Variants in COL11A1 observed in about 807,000 individuals in gnomAD.
COL11A1 encodes collagen type XI alpha 1 chain, also known as collagen alpha-1(XI) chain.
COL11A1 carries 74 observed loss-of-function variants against 265.2 expected under a neutral mutation model. The ratio of observed to expected loss-of-function variants is 0.28; its 90% CI spans 0.23 to 0.34. The LOEUF (loss-of-function observed/expected upper bound fraction) is 0.34, where lower values mean the gene tolerates loss of function less well. Ranked by LOEUF, COL11A1 falls within the 10% of genes least tolerant of loss-of-function variation. The pLI is 1.00. For missense variants in COL11A1, 2,165 were observed against 2,263.6 expected (o/e 0.96, Z 0.88); for synonymous variants, 816 against 727.6 (o/e 1.12, Z -1.96).
chr1:102,888,651 G>A (rs1159159854), intron 61 of COL11A1, 21 bp from the exon 62 acceptor site: 2 of 1,613,750 alleles, frequency 1.2e-6, no homozygotes, highest in Admixed American at 1.7e-5. Flanking sequence ...GAAGAGAGAG[G>A]ACATAAATAA....
At chr1:102,996,697 G>C (rs1570979891) in intron 26 of COL11A1, among the ~76,000 whole-genome samples, 1 of 151,752 alleles carries the variant, frequency 6.6e-6, no homozygotes, top group South Asian at 2.1e-4. Context: ...TATTTTAATA[G>C]CCATTGGTCT....
intron 15 of COL11A1, among the ~76,000 whole-genome samples, chr1:103,006,723 G>C (rs1038241456): frequency 7.3e-5 from 11 of 151,652 alleles, no homozygotes; most frequent in Admixed American, 7.2e-4. Context: ...ATTTTTAGTA[G>C]AGATGGGGTT....
rs538004482 is a variant in COL11A1, at chr1:102,931,593, T to C, written c.3600+2856A>G. Among the ~76,000 whole-genome samples the C allele has an allele frequency of 2.0e-4, 30 of 152,270 alleles. 1 individual carries two copies. The Middle Eastern group carries it at 0.014, about 69-fold the overall frequency. ...TGTTGATTTGGGGTAGAGAGTTCTG[T>C]AGATGTCTATTAGGTCCACTTGGTG... On this transcript the variant is annotated intron_variant, in intron 46 of 66. Coordinates refer to ENST00000370096, the MANE Select transcript of COL11A1 (RefSeq NM_001854.4).
intron 1 of COL11A1, chr1:103,100,736 A>C (rs1043360576): frequency 2.0e-5 from 3 of 151,994 alleles, no homozygotes; most frequent in Non-Finnish European, 4.4e-5. Flanking sequence ...CAGCAAAGTC[A>C]ACATGGACAA....
intron 30 of COL11A1, 134 bp from the exon 31 acceptor site, chr1:102,984,325 A>G: frequency 1.7e-6 from 1 of 595,050 alleles, no homozygotes; most frequent in Non-Finnish European, 2.9e-6. Flanking sequence ...TTTTGTCATT[A>G]TTTACCTTCA....
chr1:102,996,377 CTAA>C (rs1005828738), intron 26 of COL11A1, among the ~76,000 whole-genome samples: 2 of 151,874 alleles, frequency 1.3e-5, no homozygotes, highest in South Asian at 2.1e-4. Flanking sequence ...ATATGCTATA[CTAA>C]TGTCTATAAA....
chr1:103,002,221 T>C (rs1280398619), intron 23 of COL11A1, among the ~76,000 whole-genome samples: 3 of 152,176 alleles, frequency 2.0e-5, no homozygotes, highest in South Asian at 2.1e-4. Context: ...TCCCTAAACA[T>C]TGAATGAGTC....
In COL11A1 at chr1:102,940,441, T is replaced by G; in HGVS notation, c.3277-7A>C. On this transcript the variant is annotated splice_polypyrimidine_tract_variant and splice_region_variant and intron_variant, in intron 42 of 66. Coordinates refer to ENST00000370096, the MANE Select transcript of COL11A1 (RefSeq NM_001854.4). ...CTTGGGGACCTTTTTCTCCCTGTATTGAATATCCAAAGATCATTAATTTTA... is the reference window on the plus strand; with the variant it reads ...CTTGGGGACCTTTTTCTCCCTGTATGGAATATCCAAAGATCATTAATTTTA... 6.3e-7 allele frequency: 1 copy of G among 1,599,302 alleles called. No homozygotes were observed. The highest frequency in any genetic ancestry group is 1.1e-5 in the South Asian group (1 of 90,718).
At chr1:103,073,187 C>G in intron 4 of COL11A1, among the ~76,000 whole-genome samples, 1 of 151,644 alleles carries the variant, frequency 6.6e-6, no homozygotes, top group East Asian at 1.9e-4. Flanking sequence ...GAAGTTACTC[C>G]AGGATTCAGA....
chr1:102,902,804 T>TAA lies in COL11A1; in HGVS notation c.4087-3812_4087-3811dup, dbSNP rs1435446475. 2.0e-5 allele frequency among the ~76,000 whole-genome samples: 3 copies of TAA among 151,142 alleles called. 1 individual carries two copies. Among genetic ancestry groups the TAA allele is most frequent in the Non-Finnish European group, 4.4e-5 (3 of 67,790 alleles). ...TTGAAATTTGAATTAATACTATATA[T>TAA]AATAATACTTTATATGTGTGTGCAT... On this transcript the variant is annotated intron_variant, in intron 54 of 66. Transcript: ENST00000370096.
chr1:103,025,827 T>C (rs1667464382), intron 6 of COL11A1: 3 of 1,613,440 alleles, frequency 1.9e-6, no homozygotes. Flanking sequence ...CTTTTGCTGA[T>C]GCTTGATAAC....
chr1:103,069,726 T>C (rs551780310), intron 4 of COL11A1, among the ~76,000 whole-genome samples: 3 of 151,996 alleles, frequency 2.0e-5, no homozygotes, highest in African/African-American at 7.2e-5. Context: ...AACAGCTCAA[T>C]TTTTTAAATG....
intron 4 of COL11A1, among the ~76,000 whole-genome samples, chr1:103,059,599 G>A (rs533443993): frequency 3.9e-5 from 6 of 152,164 alleles, no homozygotes; most frequent in East Asian, 1.9e-4. Context: ...TATGATTCCC[G>A]TGCTAAGAAC....
chr1:103,013,312 C>A (rs1666280574), intron 13 of COL11A1, among the ~76,000 whole-genome samples: 1 of 151,866 alleles, frequency 6.6e-6, no homozygotes, highest in South Asian at 2.1e-4. Context: ...ACTTCTTAAT[C>A]CTTGAGATTA....
At chr1:102,897,546 T>G (rs1652592906) in intron 57 of COL11A1, among the ~76,000 whole-genome samples, 1 of 152,068 alleles carries the variant, frequency 6.6e-6, no homozygotes, top group Non-Finnish European at 1.5e-5. Context: ...AAGTATAGCC[T>G]CAGATCCTAT....
intron 59 of COL11A1, among the ~76,000 whole-genome samples, chr1:102,889,239 C>T (rs1651414538): frequency 6.6e-6 from 1 of 151,946 alleles, no homozygotes; most frequent in African/African-American, 2.4e-5. Flanking sequence ...AAATAATACT[C>T]AACTGTAATT....
intron 46 of COL11A1, among the ~76,000 whole-genome samples, chr1:102,933,788 C>T (rs935051359): frequency 2.6e-5 from 4 of 152,174 alleles, no homozygotes; most frequent in Admixed American, 6.5e-5. Flanking sequence ...GATATAATCT[C>T]GTGGTGCGCC....
intron 4 of COL11A1, among the ~76,000 whole-genome samples, chr1:103,070,759 C>T (rs1671520420): frequency 6.6e-6 from 1 of 151,858 alleles, no homozygotes; most frequent in South Asian, 2.1e-4. Context: ...CTAAATGCAT[C>T]TAGACTGGGT....
At position 102,962,172 on chromosome 1, in the gene COL11A1, A is replaced by G. The variant is rs546555674; in HGVS notation, c.3114+4T>C. On this transcript the variant is annotated splice_donor_region_variant and intron_variant, in intron 40 of 66. Transcript: ENST00000370096. ...TGCTTTATCTATATAGATATTGATT[A>G]TACCTGAGCTCCAGGAAGACCTCTT... The G allele has an allele frequency of 1.2e-6, 2 of 1,606,284 alleles. No individual in the cohort carries two copies. Among genetic ancestry groups the G allele is most frequent in the Admixed American group, 3.3e-5 (2 of 59,996 alleles).
Sources: allele counts gnomAD v4.1 joint callset (sites outside exome capture counted in the v4.1 genomes callset), GRCh38; gene constraint gnomAD v4.1.1; transcripts MANE v1.5; gene names NCBI Gene and HGNC (gene_info 2026-07-23, HGNC 2026-07-21).